The following MAGI2 variants were observed in gnomAD, a reference collection of about 807,000 sequenced individuals.
MAGI2 encodes membrane associated guanylate kinase, WW and PDZ domain containing 2.
A neutral mutation model predicts 133.3 loss-of-function variants in MAGI2; 35 were observed. That is an observed-to-expected ratio of 0.26 (90% CI 0.20 to 0.35). The LOEUF is 0.35. Ranked by LOEUF, MAGI2 falls within the 10% of genes least tolerant of loss-of-function variation. The pLI is 1.00. For synonymous variants in MAGI2, 729 were observed against 710.6 expected (o/e 1.03, Z -0.41); for missense variants, 1,636 against 1,863.4 (o/e 0.88, Z 2.25).
chr7:78,692,202 A>G (rs949693332), intron 2 of MAGI2, among the ~76,000 whole-genome samples: 1 of 152,226 alleles, frequency 6.6e-6, no homozygotes, highest in Non-Finnish European at 1.5e-5. Context: ...TCTTTGAAGA[A>G]GAAACACTAA....
At chr7:79,040,212 C>T (rs186444175) in intron 1 of MAGI2, among the ~76,000 whole-genome samples, 17 of 152,006 alleles carry the variant, frequency 1.1e-4, no homozygotes, top group Admixed American at 5.2e-4. Flanking sequence ...CTCCTTCACT[C>T]GGCACTTCTC....
At chr7:78,641,366 C>A (rs952781776) in intron 2 of MAGI2, among the ~76,000 whole-genome samples, 1 of 152,136 alleles carries the variant, frequency 6.6e-6, no homozygotes, top group Non-Finnish European at 1.5e-5. Flanking sequence ...ATATTCTAGG[C>A]TTTGCTGGCC....
intron 20 of MAGI2, among the ~76,000 whole-genome samples, chr7:78,084,176 C>A (rs1453475227): frequency 6.6e-6 from 1 of 152,210 alleles, no homozygotes; most frequent in Admixed American, 6.5e-5. Context: ...AATTGAGCTT[C>A]TTTGGAATAC....
At chr7:78,263,881 C>T (rs1173420943) in intron 9 of MAGI2, among the ~76,000 whole-genome samples, 1 of 152,130 alleles carries the variant, frequency 6.6e-6, no homozygotes, top group Non-Finnish European at 1.5e-5. Context: ...CTTCAGTTGG[C>T]CCCAGCTTTA....
At chr7:79,077,928 C>G (rs1232410799) in intron 1 of MAGI2, among the ~76,000 whole-genome samples, 1 of 151,748 alleles carries the variant, frequency 6.6e-6, no homozygotes, top group Non-Finnish European at 1.5e-5. Context: ...ATTTTTTTCC[C>G]TTAGAATACA....
chr7:79,335,252 G>A (rs1840357513), intron 1 of MAGI2, among the ~76,000 whole-genome samples: 1 of 152,084 alleles, frequency 6.6e-6, no homozygotes, highest in South Asian at 2.1e-4. Flanking sequence ...ATTTTTAGCA[G>A]AGCAGAGCGT....
intron 1 of MAGI2, among the ~76,000 whole-genome samples, chr7:79,057,276 A>G (rs1386807432): frequency 6.6e-6 from 1 of 152,220 alleles, no homozygotes; most frequent in Non-Finnish European, 1.5e-5. Context: ...TGGAAGGACC[A>G]CATGAGTTAG....
chr7:78,293,913 C>T (rs757408466), intron 9 of MAGI2, among the ~76,000 whole-genome samples: 2 of 152,052 alleles, frequency 1.3e-5, no homozygotes, highest in African/African-American at 2.4e-5. Context: ...GGGTGAGGAA[C>T]GTCACACACC....
At chr7:79,376,841 G>GTGTGTGT (rs1563166210) in intron 1 of MAGI2, among the ~76,000 whole-genome samples, 15,835 of 147,456 alleles carry the variant, frequency 0.11, 866 homozygotes, top group South Asian at 0.19. Flanking sequence ...TGTGTGTGTG[G>GTGTGTGT]GTGTATGGCG....
intron 2 of MAGI2, among the ~76,000 whole-genome samples, chr7:78,649,867 T>G (rs1563295858): frequency 6.6e-6 from 1 of 152,082 alleles, no homozygotes; most frequent in East Asian, 1.9e-4. Context: ...CGCATGAAAG[T>G]GCTGAGGATT....
intron 1 of MAGI2, among the ~76,000 whole-genome samples, chr7:79,329,142 C>A (rs1839897099): frequency 6.6e-6 from 1 of 152,078 alleles, no homozygotes; most frequent in African/African-American, 2.4e-5. Flanking sequence ...CTGGGTTAGC[C>A]CATTTTCTAG....
intron 10 of MAGI2, among the ~76,000 whole-genome samples, chr7:78,235,830 A>T (rs1319911662): frequency 6.6e-6 from 1 of 152,132 alleles, no homozygotes; most frequent in African/African-American, 2.4e-5. Context: ...ATCCAGAAAC[A>T]TTGAGAACCC....
At chr7:78,406,541 G>A (rs1797392671) in intron 6 of MAGI2, among the ~76,000 whole-genome samples, 2 of 151,974 alleles carry the variant, frequency 1.3e-5, no homozygotes, top group South Asian at 4.1e-4. Context: ...AGTGATTTAT[G>A]AGTTTCCTAT....
At chr7:79,169,013 C>T (rs898918974) in intron 1 of MAGI2, among the ~76,000 whole-genome samples, 1 of 149,442 alleles carries the variant, frequency 6.7e-6, no homozygotes, top group Non-Finnish European at 1.5e-5. Context: ...TATTAGCGGC[C>T]ATTGTTGAGC....
At chr7:78,946,172 G>A (rs1563693343) in intron 2 of MAGI2, among the ~76,000 whole-genome samples, 1 of 152,140 alleles carries the variant, frequency 6.6e-6, no homozygotes, top group African/African-American at 2.4e-5. Flanking sequence ...TTGTTAGTTA[G>A]CATATTTAAA....
At chr7:78,440,164 A>AT in intron 6 of MAGI2, among the ~76,000 whole-genome samples, 1 of 152,044 alleles carries the variant, frequency 6.6e-6, no homozygotes, top group Non-Finnish European at 1.5e-5. Flanking sequence ...ATAGATTCTG[A>AT]CTATCTGGAT....
At chr7:79,408,017 T>C (rs187938331) in intron 1 of MAGI2, among the ~76,000 whole-genome samples, 1 of 152,240 alleles carries the variant, frequency 6.6e-6, no homozygotes, top group East Asian at 1.9e-4. Context: ...ACTTTATAAG[T>C]TTTCCCATGT....
At chr7:78,270,948 C>A (rs1381805663) in intron 9 of MAGI2, among the ~76,000 whole-genome samples, 1 of 151,986 alleles carries the variant, frequency 6.6e-6, no homozygotes, top group East Asian at 1.9e-4. Context: ...AATTGAATAC[C>A]TTTTTTTTCT....
chr7:79,214,111 G>A (rs565538062), intron 1 of MAGI2, among the ~76,000 whole-genome samples: 7 of 151,814 alleles, frequency 4.6e-5, no homozygotes, highest in East Asian at 3.9e-4. Context: ...TAATGTAAAC[G>A]TTTTATGAAG....
Sources: gnomAD v4.1 joint callset for allele counts (sites outside exome capture counted in the v4.1 genomes callset) on GRCh38, gnomAD v4.1.1 for gene constraint, MANE v1.5 for transcripts, NCBI Gene and HGNC (gene_info 2026-07-23, HGNC 2026-07-21) for gene names.